The following GLP1R variants were observed in gnomAD, a reference collection of about 807,000 sequenced individuals.
GLP1R encodes the protein glucagon-like peptide 1 receptor.
Under a neutral mutation model 68.4 loss-of-function variants are expected in GLP1R, and 32 were observed. That is an observed-to-expected ratio of 0.47 (90% CI 0.35 to 0.63). The LOEUF (loss-of-function observed/expected upper bound fraction) is 0.63. Among genes scored for constraint, GLP1R ranks in the 20% least tolerant of loss-of-function variants. GLP1R has a pLI of 0.00. For missense variants in GLP1R, 502 were observed against 594.9 expected (o/e 0.84, Z 1.62); for synonymous variants, 263 against 244.4 (o/e 1.08, Z -0.71).
chr6:39,055,595 G>A lies in GLP1R; in HGVS notation c.79-802G>A, dbSNP rs116118711. On this transcript the variant is annotated intron_variant, in intron 1 of 12. Transcript: ENST00000373256. ...GTGAGAGGGATCCCTCCCATTGCAC[G>A]TGTGACTTCAGTGTTCTGGAACCTC... Among the ~76,000 whole-genome samples, 431 of 152,234 alleles carry A rather than the reference G, an allele frequency of 2.8e-3. 1 individual carries two copies. Among genetic ancestry groups the A allele is most frequent in the African/African-American group, 9.6e-3 (400 of 41,540 alleles).
intron 1 of GLP1R, among the ~76,000 whole-genome samples, chr6:39,053,362 T>C (rs1768133720): frequency 6.6e-6 from 1 of 152,354 alleles, no homozygotes; most frequent in East Asian, 1.9e-4. Context: ...TGCTTCACTT[T>C]GCCATTGGCT....
At chr6:39,072,737 A>T in intron 5 of GLP1R, 125 bp from the exon 6 acceptor site, 1 of 765,038 alleles carries the variant, frequency 1.3e-6, no homozygotes, top group Non-Finnish European at 2.2e-6. Context: ...TATTCATAGA[A>T]GAAGACACAC....
chr6:39,084,890 T>TTA (rs1195602149), intron 12 of GLP1R, among the ~76,000 whole-genome samples: 5 of 152,074 alleles, frequency 3.3e-5, no homozygotes, highest in African/African-American at 1.2e-4. Context: ...GATTGGCCCC[T>TTA]TATCCACAGC....
In GLP1R at chr6:39,073,534, A is replaced by G. The variant is rs563938710; in HGVS notation, c.664-76A>G. The G allele has an allele frequency of 1.2e-3, 1,482 of 1,258,432 alleles. 6 individuals carry two copies. The highest frequency in any genetic ancestry group is 8.6e-3 in the Admixed American group (467 of 54,222). The allele number at this position is 1,258,432 out of a possible 1,614,324, so 78.0% of individuals were successfully genotyped here. ...TTAACCATGGCAGGATAGTGGCTGG[A>G]GCAGGACGGGGAGTGGTATCAAGAG... On this transcript the variant is annotated intron_variant, in intron 6 of 12. Transcript: ENST00000373256.
Position 39,088,076 on chromosome 6 carries a change from G to T in GLP1R, c.*2003G>T, listed in dbSNP as rs1347492201. ...AAATTGCTGAGGAGAGGGATTGTAGGGAAGAAGTTGCTTAGTTAGGCACCT... is the reference window on the plus strand; with the variant it reads ...AAATTGCTGAGGAGAGGGATTGTAGTGAAGAAGTTGCTTAGTTAGGCACCT... On this transcript the variant is annotated 3_prime_UTR_variant, in exon 13 of 13. Coordinates refer to ENST00000373256, the MANE Select transcript of GLP1R (RefSeq NM_002062.5). Among the ~76,000 whole-genome samples the T allele has an allele frequency of 6.6e-6, 1 of 152,128 alleles. No homozygotes were observed. Among genetic ancestry groups the T allele is most frequent in the Non-Finnish European group, 1.5e-5 (1 of 68,026 alleles).
chr6:39,053,083 T>A (rs918787859), intron 1 of GLP1R, among the ~76,000 whole-genome samples: 1 of 152,136 alleles, frequency 6.6e-6, no homozygotes, highest in African/African-American at 2.4e-5. Context: ...GCCTGTCAAG[T>A]CTTGATTCTA....
At chr6:39,059,903 G>A (rs1017651317) in intron 3 of GLP1R, among the ~76,000 whole-genome samples, 2 of 152,172 alleles carry the variant, frequency 1.3e-5, no homozygotes, top group Non-Finnish European at 2.9e-5. Context: ...TCCTGGTGGT[G>A]CCCGTTTATG....
intron 3 of GLP1R, among the ~76,000 whole-genome samples, chr6:39,061,845 C>T (rs1768365350): frequency 6.6e-6 from 1 of 152,222 alleles, no homozygotes; most frequent in South Asian, 2.1e-4. Flanking sequence ...CTGTGTTGTT[C>T]AGAACCTGAG....
At position 39,073,788 on chromosome 6, in the gene GLP1R, C is replaced by T. The variant is rs747176257; in HGVS notation, c.823+19C>T. 1.2e-6 allele frequency: 2 copies of T among 1,611,054 alleles called. No homozygotes were observed. Among genetic ancestry groups the T allele is most frequent in the Admixed American group, 1.7e-5 (1 of 59,952 alleles). ...GGCTGGGGTAAGAACCGCCATCACC[C>T]ACCCTGGACCTGTGGCACGGGGGTG... On this transcript the variant is annotated intron_variant, in intron 7 of 12. Coordinates refer to ENST00000373256, the MANE Select transcript of GLP1R (RefSeq NM_002062.5).
At chr6:39,067,002 T>G (rs1768536688) in intron 5 of GLP1R, among the ~76,000 whole-genome samples, 1 of 152,180 alleles carries the variant, frequency 6.6e-6, no homozygotes, top group East Asian at 1.9e-4. Flanking sequence ...TCTCCTCTTT[T>G]ATTATGAATT....
rs981844708 is a variant in GLP1R at position 39,049,182 on chromosome 6, AC to A, written c.78+267del. ...GCCACCCGGGTCCCTCTGCCCGGGC[AC>A]CCGCTGCCCCGCGGCCGCCCTGCGC... On this transcript the variant is annotated intron_variant, in intron 1 of 12. Transcript: ENST00000373256. This position sits in a 1 kb window ranked among gnomAD's most constrained non-coding sequence, Gnocchi z 4.5. Among the ~76,000 whole-genome samples, 1 of 151,696 alleles carries A rather than the reference AC, an allele frequency of 6.6e-6. No individual in the cohort carries two copies. The highest frequency in any genetic ancestry group is 2.4e-5 in the African/African-American group (1 of 41,260).
chr6:39,078,219 G>T, intron 7 of GLP1R, 103 bp from the exon 8 acceptor site: 1 of 833,860 alleles, frequency 1.2e-6, no homozygotes, highest in South Asian at 1.3e-5. Flanking sequence ...CAAGGAGAGG[G>T]GCTGGAAGTG....
At position 39,085,969 on chromosome 6, in the gene GLP1R, G is replaced by A. The variant is rs1344505759; in HGVS notation, c.1288G>A (p.Asp430Asn). The A allele has an allele frequency of 6.2e-6, 10 of 1,614,014 alleles. No individual in the cohort carries two copies. The highest frequency in any genetic ancestry group is 1.3e-5 in the African/African-American group (1 of 75,022). Residue 430 changes from aspartate to asparagine, a missense_variant, in exon 13 of 13, where the codon GAC becomes AAC. Coordinates refer to ENST00000373256, the MANE Select transcript of GLP1R (RefSeq NM_002062.5). ...WRLEHLHIQR[D>N]SSMKPLKCPT... ...GCTTGAGCACTTGCACATCCAGAGGGACAGCAGCATGAAGCCCCTCAAGTG... is the reference window on the plus strand; with the variant it reads ...GCTTGAGCACTTGCACATCCAGAGGAACAGCAGCATGAAGCCCCTCAAGTG...
At chr6:39,062,154 G>C (rs551601875) in intron 3 of GLP1R, among the ~76,000 whole-genome samples, 1 of 152,212 alleles carries the variant, frequency 6.6e-6, no homozygotes, top group Admixed American at 6.5e-5. Context: ...AGCAGCTTCC[G>C]GGAGGGGAAG....
chr6:39,072,890 C>T lies in GLP1R; in HGVS notation c.538C>T (p.His180Tyr), dbSNP rs777241387. The change falls in exon 6 of 13, where the codon CAC (histidine) becomes TAC (tyrosine). Residue 180 changes from histidine (H) to tyrosine (Y), a missense_variant. Coordinates refer to ENST00000373256, the MANE Select transcript of GLP1R (RefSeq NM_002062.5). ...CCTGCACTGCACCAGGAACTACATC[C>T]ACCTGAACCTGTTTGCATCCTTCAT... ...RHLHCTRNYI[H>Y]LNLFASFILR... 6.2e-7 allele frequency: 1 copy of T among 1,614,146 alleles called. No homozygotes were observed. The highest frequency in any genetic ancestry group is 1.1e-5 in the South Asian group (1 of 91,078).
intron 12 of GLP1R, 42 bp from the exon 13 acceptor site, chr6:39,085,864 G>A (rs549899188): frequency 1.3e-6 from 2 of 1,599,892 alleles, no homozygotes; most frequent in Non-Finnish European, 1.7e-6. Context: ...TTAGCCATTG[G>A]TTTGCATGAT....
chr6:39,072,817 A>C, intron 5 of GLP1R, 45 bp from the exon 6 acceptor site: 3 of 1,581,962 alleles, frequency 1.9e-6, no homozygotes, highest in Non-Finnish European at 2.6e-6. Flanking sequence ...GTAGAGCAGA[A>C]CTGTTGGCTG....
chr6:39,079,696 C>A lies in GLP1R; in HGVS notation c.1176C>A (p.Ser392=), dbSNP rs760619871. The stretch of plus-strand genomic sequence containing the variant: ...TGTTTACAGAGCTCTCCTTCACCTC[C>A]TTCCAGGTGACTTCATGCTTGGGGA... The part of the protein sequence containing the change: ...IKLFTELSFT[S]FQGLMVAILY... The change falls in exon 11 of 13, where the codon TCC becomes TCA. Residue 392 remains serine (S), a synonymous_variant. Coordinates refer to ENST00000373256, the MANE Select transcript of GLP1R (RefSeq NM_002062.5). This position sits in a 1 kb window ranked among gnomAD's most constrained non-coding sequence, Gnocchi z 4.5. 4 of 1,612,148 alleles carry A rather than the reference C, an allele frequency of 2.5e-6. No homozygotes were observed. The South Asian group carries it at 3.3e-5, about 13-fold the overall frequency.
At chr6:39,057,373 C>A in intron 2 of GLP1R, 99 bp from the exon 3 acceptor site, 1 of 746,398 alleles carries the variant, frequency 1.3e-6, no homozygotes. Context: ...AGGTTAGTGG[C>A]ATGCAGCCTC....
Sources: allele counts gnomAD v4.1 joint callset (sites outside exome capture counted in the v4.1 genomes callset), GRCh38; gene constraint gnomAD v4.1.1; non-coding constraint Gnocchi (gnomAD v3.1); transcripts MANE v1.5; gene names NCBI Gene and HGNC (gene_info 2026-07-23, HGNC 2026-07-21).